USP36: variants seen among roughly 807,000 people sequenced by gnomAD.
USP36 encodes ubiquitin specific peptidase 36.
A neutral mutation model predicts 111.5 loss-of-function variants in USP36; 59 were observed. The ratio of observed to expected loss-of-function variants is 0.53; its 90% CI spans 0.43 to 0.66. The LOEUF (loss-of-function observed/expected upper bound fraction) is 0.66, where lower values mean the gene tolerates loss of function less well. Ranked by LOEUF, USP36 falls within the 30% of genes least tolerant of loss-of-function variation. The pLI, the probability that USP36 is intolerant of heterozygous loss-of-function variation, is 0.00. For synonymous variants in USP36, 628 were observed against 581.0 expected, an observed-to-expected ratio of 1.08 and a Z score of -1.16; for missense variants, 1,488 against 1,468.0, an observed-to-expected ratio of 1.01 and a Z score of -0.22.
At chr17:78,834,350 T>G (rs2068447582) in intron 4 of USP36, among the ~76,000 whole-genome samples, 1 of 152,106 alleles carries the variant, frequency 6.6e-6, no homozygotes, top group Non-Finnish European at 1.5e-5. Context: ...GACTCTTCAC[T>G]TTCTATTTCT....
chr17:78,816,266 C>T (rs926337449), intron 10 of USP36, among the ~76,000 whole-genome samples: 12 of 151,930 alleles, frequency 7.9e-5, no homozygotes, highest in African/African-American at 2.9e-4. Context: ...CTCAAGCAAT[C>T]CTCCTATCTC....
At chr17:78,840,093 C>T (rs1208440070) in intron 1 of USP36, among the ~76,000 whole-genome samples, 1 of 152,190 alleles carries the variant, frequency 6.6e-6, no homozygotes, top group Non-Finnish European at 1.5e-5. Flanking sequence ...AGCGCCTGCC[C>T]CGAGCCCGGC....
rs539276256 is a variant in USP36 at position 78,822,492 on chromosome 17, C to G, written c.690-488G>C. 2.0e-5 allele frequency among the ~76,000 whole-genome samples: 3 copies of G among 151,924 alleles called. No homozygotes were observed. In the East Asian group the frequency reaches 5.8e-4, roughly 30 times the overall value. On this transcript the variant is annotated intron_variant, in intron 6 of 20. Coordinates refer to ENST00000449938, the MANE Select transcript of USP36 (RefSeq NM_001385174.1). Reference sequence around the variant, plus strand: ...AGGGGTGGGGGTGGGAACAAAGGCACAAACAGGACCAAATCTCCCCGGCTC... The same window carrying G: ...AGGGGTGGGGGTGGGAACAAAGGCAGAAACAGGACCAAATCTCCCCGGCTC...
At chr17:78,793,920 G>A (rs958839026), downstream of USP36, among the ~76,000 whole-genome samples, 3 of 152,100 alleles carry the variant, frequency 2.0e-5, no homozygotes, top group African/African-American at 7.2e-5. Context: ...CTGGTAAGAT[G>A]CCAACACGTC....
rs781259744 is a variant in USP36 at position 78,836,310 on chromosome 17, C to A, written c.54G>T (p.Ser18=). Residue 18 remains serine (S), a synonymous_variant, in exon 3 of 21, where the codon TCG becomes TCT. Transcript: ENST00000449938. ...KEALKPGRKD[S]ADDGELGKLL... ...GCTTCCCCAGTTCTCCATCATCAGC[C>A]GAGTCCTTGCGGCCGGGTTTCAGGG... 6.8e-6 allele frequency: 11 copies of A among 1,614,162 alleles called. No individual in the cohort carries two copies. Among genetic ancestry groups the A allele is most frequent in the Admixed American group, 1.7e-5 (1 of 60,022 alleles).
intron 16 of USP36, 95 bp from the exon 17 acceptor site, chr17:78,802,630 CCCCAGCTGTGA>C: frequency 7.9e-7 from 1 of 1,268,400 alleles, no homozygotes; most frequent in African/African-American, 1.5e-5. Flanking sequence ...GAAGGTGCCA[CCCCAGCTGTGA>C]CCCAGTGCAC....
At chr17:78,806,438 G>A (rs547314644) in intron 14 of USP36, 152 bp from the exon 15 acceptor site, 1 of 969,248 alleles carries the variant, frequency 1.0e-6, no homozygotes, top group Admixed American at 2.9e-5. Context: ...GGGGAGGTGA[G>A]GGGCAGGGGA....
chr17:78,831,441 C>T (rs1432846059), intron 4 of USP36, among the ~76,000 whole-genome samples: 1 of 151,136 alleles, frequency 6.6e-6, no homozygotes, highest in African/African-American at 2.4e-5. Context: ...GTGAGACCCC[C>T]ATCTCTACTA....
At chr17:78,793,177 G>A (rs1208007948), downstream of USP36, among the ~76,000 whole-genome samples, 2 of 152,172 alleles carry the variant, frequency 1.3e-5, no homozygotes, top group African/African-American at 2.4e-5. Context: ...AGAGGGAGAG[G>A]AGCTGGTTTT....
intron 15 of USP36, among the ~76,000 whole-genome samples, chr17:78,805,447 C>A (rs2093872556): frequency 6.6e-6 from 1 of 152,202 alleles, no homozygotes; most frequent in Non-Finnish European, 1.5e-5. Context: ...TCATGTAGCA[C>A]TGGAGATTCT....
chr17:78,798,056 A>T lies in USP36; in HGVS notation c.*21-177T>A, dbSNP rs974220340. 7.9e-6 allele frequency: 2 copies of T among 253,752 alleles called. No homozygotes were observed. The highest frequency in any genetic ancestry group is 4.3e-5 in the African/African-American group (2 of 46,182). 15.7% of individuals were successfully genotyped at this position (253,752 alleles called of 1,614,324 possible). On this transcript the variant is annotated intron_variant, in intron 20 of 20. Coordinates refer to ENST00000449938, the MANE Select transcript of USP36 (RefSeq NM_001385174.1). This position sits in a 1 kb window ranked among gnomAD's most constrained non-coding sequence, Gnocchi z 5.1. ...CATGCCAGATATACACACAACCCACATCCCACACACACCCCACACATGCCC... is the reference window on the plus strand; with the variant it reads ...CATGCCAGATATACACACAACCCACTTCCCACACACACCCCACACATGCCC...
chr17:78,799,755 G>T lies in USP36; in HGVS notation c.3036C>A (p.Ala1012=), dbSNP rs1481966399. 6 of 1,604,924 alleles carry T rather than the reference G, an allele frequency of 3.7e-6. No individual in the cohort carries two copies. The Admixed American group carries it at 8.6e-5, about 23-fold the overall frequency. ...GCTCTCCATTCCAAGACACAGGAGG[G>T]GCCTGGCTCAGCCCTGCAATCGGAG... ...CPGDRMGLSQ[A]PPVSWNGERE... Residue 1012 remains alanine (A), a synonymous_variant, in exon 18 of 21, where the codon GCC becomes GCA. Coordinates refer to ENST00000449938, the MANE Select transcript of USP36 (RefSeq NM_001385174.1).
At chr17:78,821,762 C>T (rs1254932514) in intron 7 of USP36, among the ~76,000 whole-genome samples, 175 bp downstream of exon 7, 5 of 151,998 alleles carry the variant, frequency 3.3e-5, no homozygotes, top group Admixed American at 6.6e-5. Flanking sequence ...CTAACAACTG[C>T]TCCAGTGGCC....
downstream of USP36, among the ~76,000 whole-genome samples, chr17:78,794,307 C>G (rs1365050860): frequency 6.6e-6 from 1 of 152,218 alleles, no homozygotes; most frequent in Non-Finnish European, 1.5e-5. Flanking sequence ...CACATCAGAC[C>G]TTGGTAACCC....
intron 13 of USP36, among the ~76,000 whole-genome samples, chr17:78,812,614 C>T (rs779609241): frequency 5.6e-5 from 8 of 144,082 alleles, no homozygotes; most frequent in South Asian, 2.4e-4. Context: ...GGCGGGAACC[C>T]GGGAGGCAGA....
chr17:78,813,967 G>T, intron 11 of USP36, 94 bp from the exon 12 acceptor site: 2 of 1,044,470 alleles, frequency 1.9e-6, no homozygotes, highest in Non-Finnish European at 2.9e-6. Context: ...TCTGTTAGTT[G>T]CTACATTTCC....
At position 78,806,993 on chromosome 17, in the gene USP36, GGA is replaced by G; in HGVS notation, c.2049_2050del (p.Pro684ThrfsTer22). ...AGAAAGGGCCAGTTTTTTGGCTGGT[GGA>G]GGAGACATGGTGCTTGCAGGCTCAG... On this transcript the variant is annotated frameshift_variant, in exon 14 of 21. Transcript: ENST00000449938. LOFTEE classifies it high-confidence loss of function. The G allele has an allele frequency of 6.2e-7, 1 of 1,614,208 alleles. No individual in the cohort carries two copies. The highest frequency in any genetic ancestry group is 8.5e-7 in the Non-Finnish European group (1 of 1,180,036).
Position 78,813,848 on chromosome 17 carries a change from A to G in USP36, c.1190T>C (p.Met397Thr). The change falls in exon 12 of 21, where the codon ATG becomes ACG. Residue 397 changes from methionine (M) to threonine (T), a missense_variant. Physicochemically the swap from Met to Thr is moderately conservative, Grantham distance 81. Coordinates refer to ENST00000449938, the MANE Select transcript of USP36 (RefSeq NM_001385174.1). ...GCTGGAATGGACCAAGGAATCATTC[A>G]TCTGGTACCACTGTCCATTGCTTGC... ...VKASNGQWYQ[M>T]NDSLVHSSNV... The G allele has an allele frequency of 1.2e-6, 2 of 1,614,214 alleles. No homozygotes were observed. Among genetic ancestry groups the G allele is most frequent in the East Asian group, 2.2e-5 (1 of 44,884 alleles).
At chr17:78,792,621 C>T (rs2093592287), downstream of USP36, among the ~76,000 whole-genome samples, 1 of 152,168 alleles carries the variant, frequency 6.6e-6, no homozygotes, top group Non-Finnish European at 1.5e-5. Context: ...TTTTAAGGAG[C>T]CCCTGGCAAT....
Sources: allele counts gnomAD v4.1 joint callset (sites outside exome capture counted in the v4.1 genomes callset), GRCh38; gene constraint gnomAD v4.1.1; non-coding constraint Gnocchi (gnomAD v3.1); transcripts MANE v1.5; gene names NCBI Gene and HGNC (gene_info 2026-07-23, HGNC 2026-07-21).